Variants in ANGPT1 observed in about 807,000 individuals in gnomAD.
The protein encoded by ANGPT1 is angiopoietin-1.
Under a neutral mutation model 62.2 loss-of-function variants are expected in ANGPT1, and 17 were observed. The ratio of observed to expected loss-of-function variants is 0.27; its 90% CI spans 0.19 to 0.41. ANGPT1 has a LOEUF of 0.41. Ranked by LOEUF, ANGPT1 falls within the 10% of genes least tolerant of loss-of-function variation. The probability of loss-of-function intolerance (pLI) is 1.00; values close to 1 mark genes in which losing one functional copy is unlikely to be tolerated. For synonymous variants in ANGPT1, 199 were observed against 198.9 expected (o/e 1.00, Z 0.00); for missense variants, 478 against 594.9 (o/e 0.80, Z 2.04).
At chr8:107,339,882 G>A (rs1432605400) in intron 2 of ANGPT1, among the ~76,000 whole-genome samples, 4 of 152,158 alleles carry the variant, frequency 2.6e-5, no homozygotes, top group Admixed American at 1.3e-4. Context: ...AGCAGCATCT[G>A]AATATAGGAG....
intron 1 of ANGPT1, among the ~76,000 whole-genome samples, chr8:107,438,882 A>G (rs77975807): frequency 0.021 from 3,166 of 152,272 alleles, 92 homozygotes; most frequent in African/African-American, 0.07. Flanking sequence ...TATGCTACAT[A>G]AAACCATATG....
intron 8 of ANGPT1, among the ~76,000 whole-genome samples, chr8:107,253,232 C>A (rs1389893449): frequency 1.3e-5 from 2 of 152,080 alleles, no homozygotes; most frequent in African/African-American, 4.8e-5. Context: ...TGTATGCAAA[C>A]AACATAAATG....
chr8:107,364,027 A>G (rs1387036549), intron 1 of ANGPT1, among the ~76,000 whole-genome samples: 1 of 152,186 alleles, frequency 6.6e-6, no homozygotes, highest in Non-Finnish European at 1.5e-5. Context: ...ACACTATTTC[A>G]GTACATCTAT....
chr8:107,453,857 A>AT (rs1323193249), intron 1 of ANGPT1, among the ~76,000 whole-genome samples: 1 of 115,200 alleles, frequency 8.7e-6, no homozygotes, highest in Non-Finnish European at 2.0e-5. Flanking sequence ...ATATGCTGAG[A>AT]TTTAAAAAAA....
intron 1 of ANGPT1, among the ~76,000 whole-genome samples, chr8:107,415,213 C>T (rs565200327): frequency 6.6e-6 from 1 of 152,228 alleles, no homozygotes; most frequent in East Asian, 1.9e-4. Context: ...GTGAACATGG[C>T]ATACAGAAGG....
intron 8 of ANGPT1, among the ~76,000 whole-genome samples, chr8:107,257,499 A>G (rs1221440967): frequency 6.6e-6 from 1 of 152,196 alleles, no homozygotes; most frequent in Non-Finnish European, 1.5e-5. Flanking sequence ...TAAACAAAAC[A>G]CCTCTCAACA....
At chr8:107,404,777 C>T (rs919823) in intron 1 of ANGPT1, among the ~76,000 whole-genome samples, 72,780 of 151,878 alleles carry the variant, frequency 0.48, 19,199 homozygotes, top group Middle Eastern at 0.6. Flanking sequence ...ACACACTGCT[C>T]TCCAAAAAGA....
At chr8:107,491,498 G>T (rs1162878372) in intron 1 of ANGPT1, among the ~76,000 whole-genome samples, 2 of 152,216 alleles carry the variant, frequency 1.3e-5, no homozygotes, top group African/African-American at 2.4e-5. Flanking sequence ...AGGTAATGGT[G>T]CTCAGAGACT....
At chr8:107,379,003 T>C (rs1441337651) in intron 1 of ANGPT1, among the ~76,000 whole-genome samples, 1 of 151,750 alleles carries the variant, frequency 6.6e-6, no homozygotes, top group Non-Finnish European at 1.5e-5. Flanking sequence ...TCTATTCATA[T>C]TTTTCTAAAT....
intron 1 of ANGPT1, among the ~76,000 whole-genome samples, chr8:107,439,228 C>T (rs1270641697): frequency 2.6e-5 from 4 of 152,178 alleles, no homozygotes; most frequent in Non-Finnish European, 5.9e-5. Flanking sequence ...GATTCCAGTG[C>T]AGGCCCATAG....
intron 8 of ANGPT1, among the ~76,000 whole-genome samples, chr8:107,256,312 AAAAC>A (rs1233612166): frequency 6.6e-6 from 1 of 152,244 alleles, no homozygotes; most frequent in African/African-American, 2.4e-5. Flanking sequence ...TATATACATT[AAAAC>A]AAACTAAATA....
In ANGPT1 at chr8:107,370,338, G is replaced by GAAAGAAAGAAAGAAAGA. The variant is rs1563590839; in HGVS notation, c.298-23242_298-23241insTCTTTCTTTCTTTCTTT. On this transcript the variant is annotated intron_variant, in intron 1 of 8. Transcript: ENST00000517746. ...AGGAAGGAAAGAGAAAGGAAAGAAAGAAAAAGAAAGAAAGAAAGAAAGAAA... is the reference window on the plus strand; with the variant it reads ...AGGAAGGAAAGAGAAAGGAAAGAAAGAAAGAAAGAAAGAAAGAAAAAAGAAAGAAAGAAAGAAAGAAA... 3.0e-4 allele frequency among the ~76,000 whole-genome samples: 10 copies of GAAAGAAAGAAAGAAAGA among 33,794 alleles called. 2 individuals are homozygous for GAAAGAAAGAAAGAAAGA. In the Admixed American group the frequency reaches 3.0e-3, roughly 10 times the overall value. The allele number at this position is 33,794 out of a possible 152,430, so 22.2% of individuals were successfully genotyped here. A position where few individuals can be genotyped will look rare whatever the true frequency, so the allele number is the denominator to read the frequency against.
chr8:107,378,283 A>T, intron 1 of ANGPT1, among the ~76,000 whole-genome samples: 1 of 152,174 alleles, frequency 6.6e-6, no homozygotes. Flanking sequence ...ACTGCCTCTG[A>T]AAATGTCTAT....
chr8:107,399,581 G>A (rs747014097), intron 1 of ANGPT1, among the ~76,000 whole-genome samples: 4 of 152,076 alleles, frequency 2.6e-5, no homozygotes, highest in Non-Finnish European at 5.9e-5. Flanking sequence ...AAACAGTAAA[G>A]GCCTTTCAAG....
intron 1 of ANGPT1, among the ~76,000 whole-genome samples, chr8:107,409,577 G>T (rs1205456826): frequency 6.6e-6 from 1 of 152,048 alleles, no homozygotes; most frequent in Non-Finnish European, 1.5e-5. Context: ...CCCATCAAAA[G>T]TCCCTAATTT....
chr8:107,375,309 T>A (rs1337200010), intron 1 of ANGPT1, among the ~76,000 whole-genome samples: 4 of 152,204 alleles, frequency 2.6e-5, no homozygotes, highest in East Asian at 1.9e-4. Context: ...AGTATTTTTT[T>A]AAAAAAGAAA....
intron 4 of ANGPT1, among the ~76,000 whole-genome samples, chr8:107,306,584 C>T (rs568583928): frequency 6.6e-6 from 1 of 152,166 alleles, no homozygotes; most frequent in Non-Finnish European, 1.5e-5. Flanking sequence ...TAAAACTGGA[C>T]ACCTAGGAAA....
At chr8:107,426,117 C>T (rs1811035067) in intron 1 of ANGPT1, among the ~76,000 whole-genome samples, 2 of 152,178 alleles carry the variant, frequency 1.3e-5, no homozygotes, top group South Asian at 4.1e-4. Flanking sequence ...CACAGAATTG[C>T]TTCCCAGTTG....
rs550766454 is a variant in ANGPT1 at position 107,491,002 on chromosome 8, A to G, written c.297+6260T>C. Reference sequence around the variant, plus strand: ...GTTAAAAAGGTAATATGTAAAATATAGTTGCATCAAATTTCACCCATCAAT... The same window carrying G: ...GTTAAAAAGGTAATATGTAAAATATGGTTGCATCAAATTTCACCCATCAAT... On this transcript the variant is annotated intron_variant, in intron 1 of 8. Coordinates refer to ENST00000517746, the MANE Select transcript of ANGPT1 (RefSeq NM_001146.5). Among the ~76,000 whole-genome samples, 48 of 152,364 alleles carry G rather than the reference A, an allele frequency of 3.2e-4. 1 individual carries two copies. In the South Asian group the frequency reaches 9.5e-3, roughly 30 times the overall value.
Sources: gnomAD v4.1 joint callset for allele counts (sites outside exome capture counted in the v4.1 genomes callset) on GRCh38, gnomAD v4.1.1 for gene constraint, MANE v1.5 for transcripts, NCBI Gene and HGNC (gene_info 2026-07-23, HGNC 2026-07-21) for gene names.